FZR1: variants seen among roughly 807,000 people sequenced by gnomAD.
FZR1 encodes fizzy and cell division cycle 20 related 1, also known as fizzy-related protein homolog.
Under a neutral mutation model 63.6 loss-of-function variants are expected in FZR1, and 11 were observed. The observed-to-expected ratio is 0.17, with a 90% confidence interval of 0.11 to 0.29. FZR1 has a LOEUF of 0.29. FZR1 is among the 10% of genes least tolerant of loss of function. FZR1 has a pLI of 1.00. For missense variants in FZR1, 440 were observed against 687.5 expected (o/e 0.64, Z 4.03); for synonymous variants, 328 against 297.9 (o/e 1.10, Z -1.04).
chr19:3,524,522 C>T (rs189792551), intron 2 of FZR1, among the ~76,000 whole-genome samples: 11 of 152,336 alleles, frequency 7.2e-5, no homozygotes. Flanking sequence ...GCCATGACTG[C>T]GTCACAGGCT....
At chr19:3,527,928 C>T (rs2083177424) in intron 7 of FZR1, 114 bp downstream of exon 7, 8 of 755,984 alleles carry the variant, frequency 1.1e-5, no homozygotes, top group Non-Finnish European at 1.2e-5. Flanking sequence ...CCTGCCATGG[C>T]CCTCCTAGCT....
intron 13 of FZR1, 42 bp downstream of exon 13, chr19:3,534,555 C>A: frequency 2.2e-6 from 3 of 1,353,560 alleles, no homozygotes; most frequent in Non-Finnish European, 3.1e-6. Flanking sequence ...CCCGCCCCAG[C>A]CTGTCCCAGG....
chr19:3,522,589 C>T (rs1419701942), intron 1 of FZR1, among the ~76,000 whole-genome samples: 1 of 152,202 alleles, frequency 6.6e-6, no homozygotes. Context: ...CGCACACGCA[C>T]GTGGGTCCCC....
chr19:3,529,108 GGGAGAGCGGAT>G (rs2083198641), intron 7 of FZR1, among the ~76,000 whole-genome samples: 1 of 96,214 alleles, frequency 1.0e-5, no homozygotes, highest in Non-Finnish European at 2.2e-5. Flanking sequence ...TTGAGCGGAT[GGGAGAGCGGAT>G]GGGAGAGCGG....
chr19:3,512,398 C>A (rs1454363952), intron 1 of FZR1, among the ~76,000 whole-genome samples: 1 of 152,210 alleles, frequency 6.6e-6, no homozygotes, highest in Admixed American at 6.5e-5. Context: ...AGTGTTGTCC[C>A]TGCTTAACTG....
chr19:3,511,963 GC>G, intron 1 of FZR1, among the ~76,000 whole-genome samples: 1 of 152,256 alleles, frequency 6.6e-6, no homozygotes, highest in African/African-American at 2.4e-5. Context: ...TCTCCGCTAG[GC>G]CCCGGCTCTG....
At chr19:3,522,830 C>A in intron 1 of FZR1, 126 bp from the exon 2 acceptor site, 2 of 645,554 alleles carry the variant, frequency 3.1e-6, no homozygotes, top group Non-Finnish European at 5.6e-6. Context: ...GCAGAAGATC[C>A]CCACAGAGGA....
intron 1 of FZR1, among the ~76,000 whole-genome samples, chr19:3,509,656 T>A (rs2083010720): frequency 6.6e-6 from 1 of 152,192 alleles, no homozygotes; most frequent in Non-Finnish European, 1.5e-5. Context: ...CCCCTGCCTC[T>A]GTGGCTGGGC....
intron 8 of FZR1, among the ~76,000 whole-genome samples, chr19:3,531,479 G>A (rs964395103): frequency 1.3e-5 from 2 of 152,238 alleles, no homozygotes; most frequent in Non-Finnish European, 2.9e-5. Context: ...TCCACGTACC[G>A]AGTCTTGGCT....
Position 3,532,668 on chromosome 19 carries a change from G to T in FZR1, c.1242+18G>T. 1 of 1,572,028 alleles carries T rather than the reference G, an allele frequency of 6.4e-7. No homozygotes were observed. Reference sequence around the variant, plus strand: ...ACGAGCTGGTGAGCACGGGCGGCCCGGCCTCCCACCAGGCCTCAGGATGTG... The same window carrying T: ...ACGAGCTGGTGAGCACGGGCGGCCCTGCCTCCCACCAGGCCTCAGGATGTG... On this transcript the variant is annotated intron_variant, in intron 11 of 13. Transcript: ENST00000441788.
rs2083189916 is a variant in FZR1, at chr19:3,528,709, GAGCAGA to G, written c.654+896_654+901del. ...TGAGCGGATGAGAGAGTGGATGGGT[GAGCAGA>G]TTAGGGAGTGGATGGGTGAGTGGAT... On this transcript the variant is annotated intron_variant, in intron 7 of 13. Coordinates refer to ENST00000441788, the MANE Select transcript of FZR1 (RefSeq NM_016263.4). Among the ~76,000 whole-genome samples the G allele has an allele frequency of 3.6e-5, 4 of 112,368 alleles. No individual in the cohort carries two copies. The South Asian group carries it at 1.1e-3, about 31-fold the overall frequency. The allele number at this position is 112,368 out of a possible 152,430, so 73.7% of individuals were successfully genotyped here.
intron 2 of FZR1, among the ~76,000 whole-genome samples, chr19:3,523,884 G>C (rs2083126659): frequency 1.3e-5 from 2 of 152,158 alleles, no homozygotes; most frequent in Admixed American, 6.5e-5. Context: ...TTCAGCTTCA[G>C]ACCCCAAAGC....
rs374650656 is a variant in FZR1 at position 3,531,752 on chromosome 19, G to A, written c.759G>A (p.Val253=). The A allele has an allele frequency of 8.4e-6, 13 of 1,549,972 alleles. No individual in the cohort carries two copies. The highest frequency in any genetic ancestry group is 1.0e-5 in the Non-Finnish European group (12 of 1,146,592). ...LVAVGTHKGF[V]QIWDAAAGKK... The stretch of plus-strand genomic sequence containing the variant: ...CGGTGGGCACACACAAGGGCTTCGT[G>A]CAGATCTGGGACGCAGCCGCAGGGA... The change falls in exon 9 of 14, where the codon GTG becomes GTA. Residue 253 remains valine (V), a synonymous_variant. Coordinates refer to ENST00000441788, the MANE Select transcript of FZR1 (RefSeq NM_016263.4).
chr19:3,517,106 C>A (rs1680852762), intron 1 of FZR1, among the ~76,000 whole-genome samples: 2 of 152,216 alleles, frequency 1.3e-5, no homozygotes, highest in Admixed American at 1.3e-4. Context: ...TGGAAAAATG[C>A]CAGCTGGGCG....
In FZR1 at chr19:3,538,104, G is replaced by GAGCTC. The variant is rs2030059993; in HGVS notation, c.*3269_*3273dup. 6.5e-6 allele frequency: 1 copy of GAGCTC among 154,778 alleles called. No homozygotes were observed. 9.6% of individuals were successfully genotyped at this position (154,778 alleles called of 1,614,324 possible). On this transcript the variant is annotated 3_prime_UTR_variant, in exon 14 of 14. Coordinates refer to ENST00000441788, the MANE Select transcript of FZR1 (RefSeq NM_016263.4). ...CTTGGGCACCTACGCCGAGGGAGTGGAGCTCCTGGGTGCGTGTCCAGATGG... is the reference window on the plus strand; with the variant it reads ...CTTGGGCACCTACGCCGAGGGAGTGGAGCTCAGCTCCTGGGTGCGTGTCCAGATGG...
chr19:3,525,588 G>A lies in FZR1; in HGVS notation c.70-280G>A, dbSNP rs1174980901. ...CTCCCGAGTAGCTGGGACTACAGGC[G>A]CCTGCCACCACGCCCGGCTGATTTT... On this transcript the variant is annotated intron_variant, in intron 2 of 13. Transcript: ENST00000441788. The surrounding 1 kb of genome is among the most constrained non-coding windows in gnomAD (Gnocchi z 4.2). 3.3e-5 allele frequency among the ~76,000 whole-genome samples: 5 copies of A among 151,994 alleles called. No individual in the cohort carries two copies. The East Asian group carries it at 9.7e-4, about 29-fold the overall frequency.
At position 3,527,025 on chromosome 19, in the gene FZR1, G is replaced by A. The variant is rs2083166422; in HGVS notation, c.433G>A (p.Val145Met). ...CTCCAGCCCCGATGACGGCAACGAT[G>A]TGTCTCCCTACTCCCTGTCTCCCGT... ...KRSSPDDGND[V>M]SPYSLSPVSN... The change falls in exon 6 of 14, where the codon GTG becomes ATG. Residue 145 changes from valine (V) to methionine (M), a missense_variant. Val to Met is a conservative substitution (Grantham distance 21, BLOSUM62 1). Around this residue, in one of 5 missense-constraint regions of FZR1, gnomAD observed 200 missense variants for 245.1 expected, o/e 0.82. Transcript: ENST00000441788. 1.9e-6 allele frequency: 3 copies of A among 1,612,734 alleles called. No individual in the cohort carries two copies. Among genetic ancestry groups the A allele is most frequent in the East Asian group, 4.5e-5 (2 of 44,876 alleles).
chr19:3,530,753 G>A lies in FZR1; in HGVS notation c.655-39G>A, dbSNP rs371963147. On this transcript the variant is annotated intron_variant, in intron 7 of 13. Coordinates refer to ENST00000441788, the MANE Select transcript of FZR1 (RefSeq NM_016263.4). Reference sequence around the variant, plus strand: ...GTACCCATGGATAGACTGGGGCTTCGAGACCAGCGGCAAAGCTCACACTGA... The same window carrying A: ...GTACCCATGGATAGACTGGGGCTTCAAGACCAGCGGCAAAGCTCACACTGA... The A allele has an allele frequency of 5.6e-5, 87 of 1,559,092 alleles. 1 individual carries two copies. The highest frequency in any genetic ancestry group is 3.8e-4 in the South Asian group (34 of 88,394).
chr19:3,529,119 T>C (rs1443451845), intron 7 of FZR1, among the ~76,000 whole-genome samples: 1 of 105,012 alleles, frequency 9.5e-6, no homozygotes, highest in Non-Finnish European at 2.0e-5. Flanking sequence ...GGAGAGCGGA[T>C]GGGAGAGCGG....
Sources: gnomAD v4.1 joint callset for allele counts (sites outside exome capture counted in the v4.1 genomes callset) on GRCh38, gnomAD v4.1.1 for gene constraint, gnomAD v4.1.1 regional missense constraint, Gnocchi (gnomAD v3.1) non-coding constraint, MANE v1.5 for transcripts, NCBI Gene and HGNC (gene_info 2026-07-23, HGNC 2026-07-21) for gene names.